OPCML: variants seen among roughly 807,000 people sequenced by gnomAD.
The protein encoded by OPCML is opioid binding protein/cell adhesion molecule like, also known as opioid-binding protein/cell adhesion molecule.
OPCML carries 13 observed loss-of-function variants against 37.8 expected under a neutral mutation model. The ratio of observed to expected loss-of-function variants is 0.34; its 90% CI spans 0.22 to 0.55. OPCML has a LOEUF of 0.55. Ranked by LOEUF, OPCML falls within the 20% of genes least tolerant of loss-of-function variation. The pLI, the probability that OPCML is intolerant of heterozygous loss-of-function variation, is 0.91. For synonymous variants in OPCML, 176 were observed against 168.8 expected (o/e 1.04, Z -0.33); for missense variants, 341 against 435.6 (o/e 0.78, Z 1.93).
At chr11:132,533,291 A>G (rs1399731373) in intron 3 of OPCML, among the ~76,000 whole-genome samples, 1 of 152,190 alleles carries the variant, frequency 6.6e-6, no homozygotes, top group East Asian at 1.9e-4. Flanking sequence ...CAACTACGGT[A>G]ACTTCAAAAT....
intron 3 of OPCML, among the ~76,000 whole-genome samples, chr11:132,605,230 T>G (rs1305841539): frequency 2.0e-5 from 3 of 152,064 alleles, no homozygotes; most frequent in Non-Finnish European, 4.4e-5. Flanking sequence ...TCAGAACATT[T>G]GCAGCATAAA....
At chr11:133,410,587 G>A (rs1592274026) in intron 1 of OPCML, among the ~76,000 whole-genome samples, 2 of 114,336 alleles carry the variant, frequency 1.7e-5, no homozygotes, top group South Asian at 6.3e-4. Context: ...TGGGGTTTTT[G>A]TTGCTTTTTT....
chr11:132,520,674 A>G (rs946934877), intron 4 of OPCML, among the ~76,000 whole-genome samples: 110 of 128,096 alleles, frequency 8.6e-4, no homozygotes, highest in African/African-American at 2.4e-3. Flanking sequence ...CTAAATATAT[A>G]TGTGTGTGTG....
chr11:133,510,334 GTAAT>G lies in OPCML; in HGVS notation c.61+21926_61+21929del, dbSNP rs1430899698. Among the ~76,000 whole-genome samples the G allele has an allele frequency of 2.6e-5, 4 of 152,230 alleles. No homozygotes were observed. In the East Asian group the frequency reaches 7.7e-4, roughly 29 times the overall value. The stretch of plus-strand genomic sequence containing the variant: ...ATAGGGGAAAGTGCACTGCCCAGAA[GTAAT>G]TAGAGCTCATTTCTGTACCTGATTC... On this transcript the variant is annotated intron_variant, in intron 1 of 7. Coordinates refer to ENST00000524381, the MANE Select transcript of OPCML (RefSeq NM_001012393.5).
At chr11:132,506,041 A>C (rs1312785134) in intron 4 of OPCML, among the ~76,000 whole-genome samples, 2 of 152,230 alleles carry the variant, frequency 1.3e-5, no homozygotes, top group Non-Finnish European at 2.9e-5. Context: ...TGGATTACTC[A>C]TACAATTACA....
intron 1 of OPCML, among the ~76,000 whole-genome samples, chr11:133,416,941 A>C (rs769885774): frequency 7.9e-5 from 12 of 152,134 alleles, no homozygotes; most frequent in Non-Finnish European, 1.6e-4. Context: ...AAGCTCCAGG[A>C]AAAGGTGGGT....
At chr11:132,760,454 A>T (rs1439121005) in intron 2 of OPCML, among the ~76,000 whole-genome samples, 1 of 152,104 alleles carries the variant, frequency 6.6e-6, no homozygotes, top group Non-Finnish European at 1.5e-5. Context: ...GAGGTCTCTA[A>T]GAACTTGCTT....
At chr11:132,509,603 G>A (rs1041019981) in intron 4 of OPCML, among the ~76,000 whole-genome samples, 7 of 152,222 alleles carry the variant, frequency 4.6e-5, no homozygotes, top group African/African-American at 1.7e-4. Flanking sequence ...GTGGCTGAAA[G>A]GGGCACATGT....
intron 1 of OPCML, among the ~76,000 whole-genome samples, chr11:132,991,826 C>T (rs532479692): frequency 6.6e-6 from 1 of 152,020 alleles, no homozygotes; most frequent in Non-Finnish European, 1.5e-5. Flanking sequence ...AGAGTTAAGA[C>T]CTTTGGATTA....
chr11:132,885,935 G>C (rs1256728600), intron 2 of OPCML, among the ~76,000 whole-genome samples: 2 of 151,984 alleles, frequency 1.3e-5, no homozygotes, highest in African/African-American at 4.8e-5. Context: ...TGTCCCACGA[G>C]ACAGAAACAC....
At chr11:132,825,720 A>G (rs1325264942) in intron 2 of OPCML, among the ~76,000 whole-genome samples, 2 of 152,208 alleles carry the variant, frequency 1.3e-5, no homozygotes, top group Non-Finnish European at 2.9e-5. Flanking sequence ...TAGCATTCCC[A>G]GGGGAAGCTT....
chr11:133,076,125 TTTTG>T (rs1198220554), intron 1 of OPCML, among the ~76,000 whole-genome samples: 16 of 152,212 alleles, frequency 1.1e-4, no homozygotes, highest in Non-Finnish European at 2.4e-4. Flanking sequence ...CTGTACACTT[TTTTG>T]TTTTTTTCAT....
chr11:132,635,602 T>A (rs1234184143), intron 3 of OPCML, among the ~76,000 whole-genome samples: 1 of 124,168 alleles, frequency 8.1e-6, no homozygotes, highest in Non-Finnish European at 1.7e-5. Flanking sequence ...CAAAAAAAAA[T>A]TTGTTGACCA....
chr11:133,364,054 G>A (rs7939409), intron 1 of OPCML, among the ~76,000 whole-genome samples: 61,813 of 152,006 alleles, frequency 0.41, 13,326 homozygotes, highest in East Asian at 0.66. Flanking sequence ...AGACTAGTCA[G>A]TGGTTATCAT....
intron 2 of OPCML, among the ~76,000 whole-genome samples, chr11:132,800,898 A>G (rs2136202155): frequency 6.6e-6 from 1 of 152,316 alleles, no homozygotes; most frequent in African/African-American, 2.4e-5. Flanking sequence ...TGTTAGAGTA[A>G]TAATTACATG....
chr11:133,377,808 C>T (rs1944847358), intron 1 of OPCML, among the ~76,000 whole-genome samples: 1 of 152,040 alleles, frequency 6.6e-6, no homozygotes, highest in Admixed American at 6.5e-5. Context: ...TAGTGCGGGT[C>T]CTGTTTCCCC....
rs146569964 is a variant in OPCML, at chr11:133,467,742, G to A, written c.61+64522C>T. On this transcript the variant is annotated intron_variant, in intron 1 of 7. Coordinates refer to ENST00000524381, the MANE Select transcript of OPCML (RefSeq NM_001012393.5). ...AATAAGCCACAGTATCTGACTCCCC[G>A]GCCTTCTTCTGTGACACTACCAATT... Among the ~76,000 whole-genome samples the A allele has an allele frequency of 6.2e-3, 941 of 152,142 alleles. 5 individuals carry two copies. Among genetic ancestry groups the A allele is most frequent in the Admixed American group, 0.014 (221 of 15,272 alleles).
intron 1 of OPCML, among the ~76,000 whole-genome samples, chr11:133,180,572 C>A (rs1264503602): frequency 6.6e-6 from 1 of 152,114 alleles, no homozygotes; most frequent in African/African-American, 2.4e-5. Context: ...CACCTTTCAA[C>A]TTGAAGAAGG....
chr11:133,090,529 A>C (rs1056738173), intron 1 of OPCML, among the ~76,000 whole-genome samples: 4 of 152,204 alleles, frequency 2.6e-5, no homozygotes, highest in African/African-American at 9.6e-5. Flanking sequence ...GGAGACGAGA[A>C]ATAATGTATT....
Sources: allele counts gnomAD v4.1 joint callset (sites outside exome capture counted in the v4.1 genomes callset), GRCh38; gene constraint gnomAD v4.1.1; transcripts MANE v1.5; gene names NCBI Gene and HGNC (gene_info 2026-07-23, HGNC 2026-07-21).